CSMD1: variants seen among roughly 807,000 people sequenced by gnomAD.
CSMD1 encodes the protein CUB and Sushi multiple domains 1, also known as CUB and sushi domain-containing protein 1.
A neutral mutation model predicts 417.5 loss-of-function variants in CSMD1; 213 were observed. The ratio of observed to expected loss-of-function variants is 0.51; its 90% CI spans 0.46 to 0.57. The LOEUF (loss-of-function observed/expected upper bound fraction) is 0.57. Ranked by LOEUF, CSMD1 falls within the 20% of genes least tolerant of loss-of-function variation. CSMD1 has a pLI of 0.00. For missense variants in CSMD1, 6,923 were observed against 4,529.7 expected, an observed-to-expected ratio of 1.53 and a Z score of -15.17; for synonymous variants, 2,862 against 1,736.8, an observed-to-expected ratio of 1.65 and a Z score of -16.11.
chr8:4,557,761 T>G lies in CSMD1; in HGVS notation c.302+79581A>C, dbSNP rs181157125. The stretch of plus-strand genomic sequence containing the variant: ...TCAATTTCAAAGGTGTTTGACAGCA[T>G]TAAGATGGCACGTAAGTCTCCGTGC... On this transcript the variant is annotated intron_variant, in intron 2 of 69. Transcript: ENST00000635120. 3.6e-4 allele frequency among the ~76,000 whole-genome samples: 54 copies of G among 150,020 alleles called. No individual in the cohort carries two copies. In the East Asian group the frequency reaches 0.01, roughly 28 times the overall value.
intron 7 of CSMD1, among the ~76,000 whole-genome samples, chr8:3,632,205 A>G (rs1323026597): frequency 6.6e-6 from 1 of 152,238 alleles, no homozygotes; most frequent in Non-Finnish European, 1.5e-5. Context: ...TACTTTGGCA[A>G]TAATTTTAGA....
chr8:3,357,197 T>A (rs1054282570), intron 21 of CSMD1, among the ~76,000 whole-genome samples: 2 of 152,146 alleles, frequency 1.3e-5, no homozygotes, highest in Admixed American at 6.5e-5. Flanking sequence ...ATCAGGAAAC[T>A]GCAGGCAAAA....
At chr8:4,469,202 C>T (rs1252870156) in intron 2 of CSMD1, among the ~76,000 whole-genome samples, 2 of 152,110 alleles carry the variant, frequency 1.3e-5, no homozygotes, top group Non-Finnish European at 2.9e-5. Context: ...TAGAAATTAC[C>T]TCTCCAAGGC....
chr8:3,440,645 T>C (rs1339998616), intron 12 of CSMD1, among the ~76,000 whole-genome samples: 1 of 152,208 alleles, frequency 6.6e-6, no homozygotes, highest in East Asian at 1.9e-4. Context: ...GTTTCTCTTA[T>C]CCTTGCAATT....
At chr8:3,671,528 C>CATATATATATATAT (rs1278729666) in intron 7 of CSMD1, among the ~76,000 whole-genome samples, 1 of 50,210 alleles carries the variant, frequency 2.0e-5, no homozygotes, top group Non-Finnish European at 4.5e-5. Flanking sequence ...TATATATGAT[C>CATATATATATATAT]ATATATATAT....
chr8:3,910,303 G>T (rs1471619718), intron 5 of CSMD1, among the ~76,000 whole-genome samples: 1 of 152,120 alleles, frequency 6.6e-6, no homozygotes, highest in African/African-American at 2.4e-5. Context: ...AAAATATGAT[G>T]GAATTCAGAG....
At chr8:4,410,035 A>G (rs1430308665) in intron 3 of CSMD1, among the ~76,000 whole-genome samples, 1 of 152,052 alleles carries the variant, frequency 6.6e-6, no homozygotes, top group Non-Finnish European at 1.5e-5. Context: ...GATGGTATCA[A>G]ACTCTTGACC....
At chr8:3,848,124 T>C (rs189844933) in intron 5 of CSMD1, among the ~76,000 whole-genome samples, 1 of 152,060 alleles carries the variant, frequency 6.6e-6, no homozygotes, top group Non-Finnish European at 1.5e-5. Context: ...TCATATTGAA[T>C]TTATTTTTGC....
At chr8:3,678,866 G>C (rs1392472902) in intron 7 of CSMD1, among the ~76,000 whole-genome samples, 2 of 152,186 alleles carry the variant, frequency 1.3e-5, no homozygotes, top group Admixed American at 6.5e-5. Flanking sequence ...AGCCAGAAAA[G>C]ACTGGGGGCC....
chr8:4,448,745 A>C (rs953012154), intron 2 of CSMD1, among the ~76,000 whole-genome samples: 1 of 152,144 alleles, frequency 6.6e-6, no homozygotes, highest in South Asian at 2.1e-4. Flanking sequence ...AATTTTTCTG[A>C]ATGACATAAT....
At chr8:3,673,348 T>C (rs780102026) in intron 7 of CSMD1, among the ~76,000 whole-genome samples, 2 of 152,220 alleles carry the variant, frequency 1.3e-5, no homozygotes, top group Non-Finnish European at 2.9e-5. Flanking sequence ...AACAAAAGAA[T>C]TGCAATTTCA....
At chr8:3,282,990 C>G (rs1019184415) in intron 26 of CSMD1, among the ~76,000 whole-genome samples, 1 of 152,114 alleles carries the variant, frequency 6.6e-6, no homozygotes, top group Non-Finnish European at 1.5e-5. Context: ...CCGAAGGGCA[C>G]TAAAAGGCTG....
chr8:4,302,090 A>G (rs1216098555), intron 3 of CSMD1, among the ~76,000 whole-genome samples: 3 of 152,336 alleles, frequency 2.0e-5, no homozygotes, highest in East Asian at 1.9e-4. Flanking sequence ...GACCCCTTGT[A>G]TAGTTCATCA....
rs1228743582 is a variant in CSMD1 at position 3,219,448 on chromosome 8, G to C, written c.4485-6C>G. On this transcript the variant is annotated splice_region_variant and splice_polypyrimidine_tract_variant and intron_variant, in intron 28 of 69. Coordinates refer to ENST00000635120, the MANE Select transcript of CSMD1 (RefSeq NM_033225.6). ...AGCTGGGCTCCATGTTGAAACTAAAGAAAAGAATAGTAATTATGTCATACG... is the reference window on the plus strand; with the variant it reads ...AGCTGGGCTCCATGTTGAAACTAAACAAAAGAATAGTAATTATGTCATACG... 2.1e-6 allele frequency: 3 copies of C among 1,461,218 alleles called. No individual in the cohort carries two copies. The highest frequency in any genetic ancestry group is 5.1e-5 in the East Asian group (2 of 38,966). The allele number at this position is 1,461,218 out of a possible 1,614,324, so 90.5% of individuals were successfully genotyped here.
At chr8:4,731,359 G>C (rs771848358) in intron 1 of CSMD1, among the ~76,000 whole-genome samples, 67 of 152,048 alleles carry the variant, frequency 4.4e-4, no homozygotes, top group Non-Finnish European at 8.2e-4. Context: ...TCAGGGACTG[G>C]AGCAAGCTGC....
At chr8:3,281,513 A>C (rs1379582535) in intron 26 of CSMD1, among the ~76,000 whole-genome samples, 1 of 152,180 alleles carries the variant, frequency 6.6e-6, no homozygotes, top group Non-Finnish European at 1.5e-5. Flanking sequence ...CTAAAAAGAA[A>C]TGATCCGTAC....
At chr8:4,310,478 T>C (rs894439535) in intron 3 of CSMD1, among the ~76,000 whole-genome samples, 1 of 152,104 alleles carries the variant, frequency 6.6e-6, no homozygotes, top group African/African-American at 2.4e-5. Context: ...TTATCTTTTA[T>C]CTGCTGTTTA....
chr8:3,236,025 C>G (rs974352392), intron 26 of CSMD1, among the ~76,000 whole-genome samples: 1 of 147,002 alleles, frequency 6.8e-6, no homozygotes, highest in African/African-American at 2.5e-5. Context: ...TCACGCCATT[C>G]TCCTTCCTCA....
chr8:3,175,503 GCCTGCCTTTTTTCCTTCCTTCCTT>G (rs1299133647), intron 37 of CSMD1, among the ~76,000 whole-genome samples: 5 of 94,648 alleles, frequency 5.3e-5, no homozygotes, highest in Non-Finnish European at 9.5e-5. Flanking sequence ...CTGCCTGCCT[GCCTGCCTTTTTTCCTTCCTTCCTT>G]CCTTCCTTCT....
Sources: allele counts gnomAD v4.1 joint callset (sites outside exome capture counted in the v4.1 genomes callset), GRCh38; gene constraint gnomAD v4.1.1; transcripts MANE v1.5; gene names NCBI Gene and HGNC (gene_info 2026-07-23, HGNC 2026-07-21).